RALYL: variants seen among roughly 807,000 people sequenced by gnomAD.
RALYL encodes the protein RALY RNA binding protein like.
Under a neutral mutation model 35.1 loss-of-function variants are expected in RALYL, and 29 were observed. That is an observed-to-expected ratio of 0.83 (90% CI 0.61 to 1.13). The LOEUF (loss-of-function observed/expected upper bound fraction) is 1.13, where lower values mean the gene tolerates loss of function less well. RALYL is among the 50% of genes most tolerant of loss of function. The probability of loss-of-function intolerance (pLI) is 0.00; values close to 1 mark genes in which losing one functional copy is unlikely to be tolerated. For missense variants in RALYL, 359 were observed against 360.4 expected (o/e 1.00, Z 0.03); for synonymous variants, 120 against 127.6 (o/e 0.94, Z 0.40).
chr8:84,737,661 A>G (rs577317939), intron 2 of RALYL, among the ~76,000 whole-genome samples: 20 of 152,134 alleles, frequency 1.3e-4, no homozygotes, highest in Non-Finnish European at 2.1e-4. Context: ...TGTGTCCCCA[A>G]ATTTTATATG....
chr8:84,853,644 T>C (rs1476518487), intron 5 of RALYL, among the ~76,000 whole-genome samples: 2 of 152,210 alleles, frequency 1.3e-5, no homozygotes, highest in African/African-American at 4.8e-5. Flanking sequence ...TTAGTTTATT[T>C]TCCATTTTTG....
At chr8:84,605,739 A>G (rs1816978410) in intron 2 of RALYL, among the ~76,000 whole-genome samples, 1 of 151,916 alleles carries the variant, frequency 6.6e-6, no homozygotes, top group Non-Finnish European at 1.5e-5. Flanking sequence ...CTCCCTCCCT[A>G]TTGTGTTGGC....
chr8:84,200,726 C>A (rs1816642228), intron 1 of RALYL, among the ~76,000 whole-genome samples: 1 of 151,958 alleles, frequency 6.6e-6, no homozygotes, highest in Admixed American at 6.6e-5. Context: ...GGCTATTTTG[C>A]AAATAGTTTG....
At chr8:84,399,413 G>C (rs185720450) in intron 1 of RALYL, among the ~76,000 whole-genome samples, 6 of 152,220 alleles carry the variant, frequency 3.9e-5, no homozygotes, top group Admixed American at 2.0e-4. Context: ...AACTCAAAAT[G>C]TACAGGAACA....
chr8:84,236,053 C>T (rs1391879125), intron 1 of RALYL, among the ~76,000 whole-genome samples: 2 of 152,154 alleles, frequency 1.3e-5, no homozygotes, highest in Non-Finnish European at 2.9e-5. Context: ...ATATTACCAA[C>T]ATGATTCCAG....
At chr8:84,907,649 T>G (rs1846757989) in intron 8 of RALYL, among the ~76,000 whole-genome samples, 1 of 152,080 alleles carries the variant, frequency 6.6e-6, no homozygotes, top group Admixed American at 6.6e-5. Context: ...TTCCACAAAT[T>G]TTATTAATTT....
chr8:84,392,333 A>G (rs1230121123), intron 1 of RALYL, among the ~76,000 whole-genome samples: 1 of 152,058 alleles, frequency 6.6e-6, no homozygotes, highest in Admixed American at 6.6e-5. Context: ...AAGATCAATT[A>G]GTTAAAATGC....
At chr8:84,785,066 A>G (rs1819070113) in intron 3 of RALYL, among the ~76,000 whole-genome samples, 1 of 152,184 alleles carries the variant, frequency 6.6e-6, no homozygotes, top group African/African-American at 2.4e-5. Flanking sequence ...AAATAAGCGT[A>G]TTACATTGGA....
chr8:84,749,099 A>T (rs1236348788), intron 2 of RALYL, among the ~76,000 whole-genome samples: 2 of 151,976 alleles, frequency 1.3e-5, no homozygotes, highest in African/African-American at 2.4e-5. Context: ...TAAAGTGTTT[A>T]AAAAAAACTT....
chr8:84,478,311 G>A (rs2053647633), intron 1 of RALYL, among the ~76,000 whole-genome samples: 2 of 152,152 alleles, frequency 1.3e-5, no homozygotes, highest in Non-Finnish European at 2.9e-5. Context: ...CCCAGAGAGT[G>A]AGAATTTGTC....
intron 2 of RALYL, among the ~76,000 whole-genome samples, chr8:84,584,331 G>A (rs984155243): frequency 2.0e-5 from 3 of 152,070 alleles, no homozygotes; most frequent in Admixed American, 6.6e-5. Context: ...AAGGCCAGGC[G>A]TGGTGGCTCA....
chr8:84,851,505 T>C (rs1031497549), intron 5 of RALYL, among the ~76,000 whole-genome samples: 2 of 152,178 alleles, frequency 1.3e-5, no homozygotes, highest in Non-Finnish European at 2.9e-5. Context: ...GAGGTAAATA[T>C]ATTTTAAGCC....
intron 2 of RALYL, among the ~76,000 whole-genome samples, chr8:84,621,057 T>C (rs1281534677): frequency 6.6e-6 from 1 of 152,224 alleles, no homozygotes; most frequent in Non-Finnish European, 1.5e-5. Flanking sequence ...GTTTGTGCCC[T>C]GCCCCCAGAG....
intron 2 of RALYL, 140 bp downstream of exon 2, chr8:84,529,717 T>C (rs973672334): frequency 1.5e-6 from 1 of 659,544 alleles, no homozygotes; most frequent in Non-Finnish European, 2.3e-6. Context: ...ATTTATATTT[T>C]TTCATCCTCA....
intron 1 of RALYL, among the ~76,000 whole-genome samples, chr8:84,445,492 T>A (rs970842944): frequency 6.6e-6 from 1 of 151,970 alleles, no homozygotes; most frequent in Non-Finnish European, 1.5e-5. Context: ...AACTTTAGTA[T>A]TAAAACTGTA....
At chr8:84,647,229 CA>C (rs1465897601) in intron 2 of RALYL, among the ~76,000 whole-genome samples, 2 of 151,946 alleles carry the variant, frequency 1.3e-5, no homozygotes, top group Non-Finnish European at 2.9e-5. Context: ...GAAAGTTGTG[CA>C]GTGGGATATT....
chr8:84,426,575 G>A (rs1018189857), intron 1 of RALYL, among the ~76,000 whole-genome samples: 1 of 151,798 alleles, frequency 6.6e-6, no homozygotes, highest in Admixed American at 6.6e-5. Flanking sequence ...CCATGTTGTA[G>A]CAAATGACAA....
chr8:84,437,829 G>A (rs73306350), intron 1 of RALYL, among the ~76,000 whole-genome samples: 113 of 152,148 alleles, frequency 7.4e-4, no homozygotes, highest in African/African-American at 2.3e-3. Context: ...TTCATCATGT[G>A]ATGTGCTCCC....
chr8:84,381,800 C>T (rs1402065781), intron 1 of RALYL, among the ~76,000 whole-genome samples: 1 of 151,716 alleles, frequency 6.6e-6, no homozygotes, highest in Non-Finnish European at 1.5e-5. Flanking sequence ...ATAGTGTTCT[C>T]ACTTTTAGTT....
Sources: allele counts gnomAD v4.1 joint callset (sites outside exome capture counted in the v4.1 genomes callset), GRCh38; gene constraint gnomAD v4.1.1; transcripts MANE v1.5; gene names NCBI Gene and HGNC (gene_info 2026-07-23, HGNC 2026-07-21).